The following COQ6 variants were observed in gnomAD, a reference collection of about 807,000 sequenced individuals.
COQ6 encodes the protein coenzyme Q6, monooxygenase, also known as ubiquinone biosynthesis monooxygenase COQ6, mitochondrial.
Under a neutral mutation model 55.5 loss-of-function variants are expected in COQ6, and 45 were observed. The observed-to-expected ratio is 0.81, with a 90% CI of 0.64 to 1.04. The LOEUF (loss-of-function observed/expected upper bound fraction) is 1.04, where lower values mean the gene tolerates loss of function less well. COQ6 is among the 50% of genes least tolerant of loss of function. The pLI is 0.00. For missense variants in COQ6, 550 were observed against 601.3 expected (o/e 0.91, Z 0.89); for synonymous variants, 206 against 230.5 (o/e 0.89, Z 0.96).
Position 73,957,083 on chromosome 14 carries a change from CTTA to C in COQ6, c.482-1046_482-1044del, listed in dbSNP as rs1050220117. On this transcript the variant is annotated intron_variant, in intron 4 of 11. Transcript: ENST00000334571. ...TTGTTGTCCAGACTTCTACAGCGAG[CTTA>C]TTATTATTATTATTATTTTTTTTTT... is the stretch of plus-strand genomic sequence containing the variant. 4.4e-4 allele frequency among the ~76,000 whole-genome samples: 66 copies of C among 149,322 alleles called. 1 individual carries two copies. The highest frequency in any genetic ancestry group is 3.5e-3 in the Middle Eastern group (1 of 288).
Position 73,959,461 on chromosome 14 carries a change from A to T in COQ6, c.830A>T (p.His277Leu). 1.9e-6 allele frequency: 3 copies of T among 1,614,230 alleles called. No homozygotes were observed. Among genetic ancestry groups the T allele is most frequent in the Non-Finnish European group, 2.5e-6 (3 of 1,180,050 alleles). ...SSLVWSTSHEHAAELVSMDEE... is the reference protein window; with the variant it reads ...SSLVWSTSHELAAELVSMDEE... ...TTGGTTTGGTCCACGTCCCATGAAC[A>T]TGCAGCAGAGCTAGTTAGCATGGAT... is the stretch of plus-strand genomic sequence containing the variant. The change falls in exon 8 of 12, where the codon CAT (histidine) becomes CTT (leucine). Residue 277 changes from histidine to leucine, a missense_variant. His to Leu is a moderately conservative substitution (Grantham distance 99). Coordinates refer to ENST00000334571, the MANE Select transcript of COQ6 (RefSeq NM_182476.3).
chr14:73,952,147 A>T (rs1182238087), intron 1 of COQ6, among the ~76,000 whole-genome samples: 2 of 105,754 alleles, frequency 1.9e-5, no homozygotes, highest in Non-Finnish European at 3.5e-5. Flanking sequence ...TTTGAGACAG[A>T]GTCTCTGCTC....
At position 73,959,539 on chromosome 14, in the gene COQ6, C is replaced by G. The variant is rs1474084272; in HGVS notation, c.891+17C>G. On this transcript the variant is annotated intron_variant, in intron 8 of 11. Transcript: ENST00000334571. ...TCTGCCTTTGTGAGTATCAATTTAC[C>G]CAGCTGATGATGTGCTGCAGGGGGA... The G allele has an allele frequency of 1.2e-6, 2 of 1,613,776 alleles. No homozygotes were observed. Among genetic ancestry groups the G allele is most frequent in the African/African-American group, 2.7e-5 (2 of 74,852 alleles).
At chr14:73,956,817 T>C (rs1352221558) in intron 4 of COQ6, 1 of 152,190 alleles carries the variant, frequency 6.6e-6, no homozygotes, top group Non-Finnish European at 1.5e-5. Flanking sequence ...GGAAGTAACT[T>C]AAATGCTTTT....
chr14:73,952,985 C>G (rs2056258955), intron 1 of COQ6, among the ~76,000 whole-genome samples: 1 of 152,158 alleles, frequency 6.6e-6, no homozygotes, highest in African/African-American at 2.4e-5. Context: ...TTTATAAACT[C>G]TAATTCTTTA....
chr14:73,950,376 C>T lies in COQ6; in HGVS notation c.44C>T (p.Ala15Val). The T allele has an allele frequency of 6.4e-7, 1 of 1,566,564 alleles. No individual in the cohort carries two copies. The highest frequency in any genetic ancestry group is 8.6e-7 in the Non-Finnish European group (1 of 1,157,210). Reference sequence around the variant, plus strand: ...AGCCGATGCGGGGCTGTGCGTGCAGCTCCCCACAGCGGCCCGCTGGTGTCC... The same window carrying T: ...AGCCGATGCGGGGCTGTGCGTGCAGTTCCCCACAGCGGCCCGCTGGTGTCC... ...LVSRCGAVRAAPHSGPLVSWR... is the reference protein window; with the variant it reads ...LVSRCGAVRAVPHSGPLVSWR... Residue 15 changes from alanine (A) to valine (V), a missense_variant, in exon 1 of 12, where the codon GCT becomes GTT. Physicochemically the swap from Ala to Val is moderately conservative, Grantham distance 64 (BLOSUM62 0). Transcript: ENST00000334571.
rs2056717900 is a variant in COQ6 at position 73,961,293 on chromosome 14, G to A, written c.1012G>A (p.Val338Met). ...ARQLPPSVAR[V>M]DAKSRVLFPL... ...CCAGCTGCCCCCAAGCGTAGCCAGG[G>A]TGGATGCCAAAAGCCGAGTTCTGTT... Residue 338 changes from valine to methionine, a missense_variant, in exon 9 of 12, where the codon GTG (valine) becomes ATG (methionine). Physicochemically the swap from Val to Met is conservative, Grantham distance 21 (BLOSUM62 1). Transcript: ENST00000334571. 2 of 1,614,092 alleles carry A rather than the reference G, an allele frequency of 1.2e-6. No individual in the cohort carries two copies. The highest frequency in any genetic ancestry group is 1.1e-5 in the South Asian group (1 of 91,084).
intron 4 of COQ6, 50 bp from the exon 5 acceptor site, chr14:73,958,097 C>A: frequency 6.8e-7 from 1 of 1,471,628 alleles, no homozygotes; most frequent in Non-Finnish European, 9.5e-7. Flanking sequence ...TTTCCTCAGC[C>A]TATGTGGCCC....
At chr14:73,960,126 T>G in intron 8 of COQ6, 1 of 993,116 alleles carries the variant, frequency 1.0e-6, no homozygotes, top group Non-Finnish European at 1.2e-6. Flanking sequence ...TCTGCTAGGT[T>G]GCAGCTACCT....
chr14:73,959,221 C>A lies in COQ6; in HGVS notation c.780C>A (p.Leu260=). Reference sequence around the variant, plus strand: ...TTCCCTCTGGGCCTATTGCTCTGCTCCCGGTAAGAGGTCCTTCTGACCAGT... The same window carrying A: ...TTCCCTCTGGGCCTATTGCTCTGCTACCGGTAAGAGGTCCTTCTGACCAGT... ...RFLPSGPIAL[L]PLSDTLSSLV... The change falls in exon 7 of 12, where the codon CTC becomes CTA. Residue 260 remains leucine, a synonymous_variant. Transcript: ENST00000334571. The A allele has an allele frequency of 2.5e-6, 4 of 1,614,218 alleles. No individual in the cohort carries two copies. The African/African-American group carries it at 5.3e-5, about 22-fold the overall frequency.
chr14:73,962,966 C>T lies in COQ6; in HGVS notation c.1378-4C>T. 1 of 1,605,792 alleles carries T rather than the reference C, an allele frequency of 6.2e-7. No homozygotes were observed. The highest frequency in any genetic ancestry group is 8.5e-7 in the Non-Finnish European group (1 of 1,172,624). ...AGTTTCATTCACTTTTATTTTTTCTCCAGGAACAGATTATGGCCTTTGCAA... is the reference window on the plus strand; with the variant it reads ...AGTTTCATTCACTTTTATTTTTTCTTCAGGAACAGATTATGGCCTTTGCAA... On this transcript the variant is annotated splice_polypyrimidine_tract_variant and splice_region_variant and intron_variant, in intron 11 of 11. Coordinates refer to ENST00000334571, the MANE Select transcript of COQ6 (RefSeq NM_182476.3).
intron 2 of COQ6, among the ~76,000 whole-genome samples, chr14:73,954,663 G>A (rs1195260067): frequency 6.6e-6 from 1 of 151,728 alleles, no homozygotes; most frequent in African/African-American, 2.4e-5. Flanking sequence ...CTAACACGGT[G>A]AAACCCTGTC....
intron 5 of COQ6, chr14:73,958,487 T>A: frequency 7.2e-7 from 1 of 1,397,576 alleles, no homozygotes; most frequent in South Asian, 1.4e-5. Flanking sequence ...TCTTAGGTTG[T>A]GAAATAACAG....
intron 4 of COQ6, among the ~76,000 whole-genome samples, chr14:73,957,150 T>G (rs2056476871): frequency 6.6e-6 from 1 of 151,442 alleles, no homozygotes; most frequent in African/African-American, 2.4e-5. Flanking sequence ...CAGGCTGGAG[T>G]GCAGTGGCAC....
Position 73,961,206 on chromosome 14 carries a change from A to G in COQ6, c.925A>G (p.Thr309Ala). Residue 309 changes from threonine to alanine, a missense_variant, in exon 9 of 12, where the codon ACA becomes GCA. By Grantham distance (58) the Thr-to-Ala change is moderately conservative. Coordinates refer to ENST00000334571, the MANE Select transcript of COQ6 (RefSeq NM_182476.3). ...SDADHTDFID[T>A]AGAMLQYAVS... is the part of the protein sequence containing the mutation. ...TGCTGACCACACGGACTTCATCGAC[A>G]CAGCTGGTGCCATGCTGCAGTATGC... 2.5e-6 allele frequency: 4 copies of G among 1,614,014 alleles called. No homozygotes were observed. The highest frequency in any genetic ancestry group is 3.4e-6 in the Non-Finnish European group (4 of 1,179,986).
At position 73,961,487 on chromosome 14, in the gene COQ6, G is replaced by T; in HGVS notation, c.1127G>T (p.Gly376Val). Residue 376 changes from glycine to valine, a missense_variant, in exon 10 of 12, where the codon GGA becomes GTA. Coordinates refer to ENST00000334571, the MANE Select transcript of COQ6 (RefSeq NM_182476.3). Reference sequence around the variant, plus strand: ...GCCCACAGAGTCCATCCGCTTGCAGGACAGGGTGTCAACATGGGCTTTGGG... The same window carrying T: ...GCCCACAGAGTCCATCCGCTTGCAGTACAGGGTGTCAACATGGGCTTTGGG... ...DAAHRVHPLA[G>V]QGVNMGFGDI... 1 of 1,614,194 alleles carries T rather than the reference G, an allele frequency of 6.2e-7. No homozygotes were observed. The highest frequency in any genetic ancestry group is 8.5e-7 in the Non-Finnish European group (1 of 1,180,044).
At chr14:73,958,711 G>A (rs2078422921) in intron 5 of COQ6, 9 of 1,384,240 alleles carry the variant, frequency 6.5e-6, no homozygotes, top group Non-Finnish European at 8.4e-6. Flanking sequence ...TTGCTCTCTA[G>A]TTCAAATATC....
At chr14:73,958,945 C>T (rs368686750) in intron 5 of COQ6, 26 bp from the exon 6 acceptor site, 2 of 1,612,924 alleles carry the variant, frequency 1.2e-6, no homozygotes, top group Non-Finnish European at 1.7e-6. Flanking sequence ...GGCTGGAAGA[C>T]TTAGCAGGCT....
In COQ6 at chr14:73,955,274, C is replaced by G; in HGVS notation, c.299-177C>G. On this transcript the variant is annotated intron_variant, in intron 2 of 11. Coordinates refer to ENST00000334571, the MANE Select transcript of COQ6 (RefSeq NM_182476.3). ...GGCAGAAGCTGGGTCTTTTTTCATG[C>G]TATACAACCTGGAACTGGGGAACAG... 4.5e-6 allele frequency: 3 copies of G among 664,540 alleles called. No individual in the cohort carries two copies. The South Asian group carries it at 5.1e-5, about 11-fold the overall frequency. The allele number at this position is 664,540 out of a possible 1,614,324, so 41.2% of individuals were successfully genotyped here.
Sources: allele counts gnomAD v4.1 joint callset (sites outside exome capture counted in the v4.1 genomes callset), GRCh38; gene constraint gnomAD v4.1.1; transcripts MANE v1.5; gene names NCBI Gene and HGNC (gene_info 2026-07-23, HGNC 2026-07-21).